Variants in KIRREL3 observed in about 807,000 individuals in gnomAD.
The protein encoded by KIRREL3 is kirre like nephrin family adhesion molecule 3.
KIRREL3 carries 36 observed loss-of-function variants against 89.7 expected under a neutral mutation model. The observed-to-expected ratio is 0.40, with a 90% CI of 0.31 to 0.53. KIRREL3 has a LOEUF of 0.53. KIRREL3 is among the 20% of genes least tolerant of loss of function. The pLI, the probability that KIRREL3 is intolerant of heterozygous loss-of-function variation, is 0.49. For synonymous variants in KIRREL3, 445 were observed against 441.4 expected (o/e 1.01, Z -0.10); for missense variants, 864 against 1,056.6 (o/e 0.82, Z 2.53).
intron 2 of KIRREL3, among the ~76,000 whole-genome samples, chr11:126,542,968 A>G (rs377744222): frequency 7.9e-5 from 12 of 152,244 alleles, no homozygotes; most frequent in African/African-American, 1.9e-4. Flanking sequence ...CTTCACATAC[A>G]TTATCTTACC....
At position 126,877,030 on chromosome 11, in the gene KIRREL3, G is replaced by T. The variant is rs1263356063; in HGVS notation, c.55+123425C>A. 3.3e-5 allele frequency among the ~76,000 whole-genome samples: 5 copies of T among 152,186 alleles called. No homozygotes were observed. The highest frequency in any genetic ancestry group is 1.2e-4 in the African/African-American group (5 of 41,446). On this transcript the variant is annotated intron_variant, in intron 1 of 16. Coordinates refer to ENST00000525144, the MANE Select transcript of KIRREL3 (RefSeq NM_032531.4). The surrounding 1 kb of genome is among the most constrained non-coding windows in gnomAD (Gnocchi z 4.9). ...GAAGAGGTGCAAGCTGCTGAGGTCT[G>T]CATAAGAATAAAGGTTGGTTGTGGC...
Position 126,814,292 on chromosome 11 carries a change from G to A in KIRREL3, c.55+186163C>T, listed in dbSNP as rs547596869. On this transcript the variant is annotated intron_variant, in intron 1 of 16. Transcript: ENST00000525144. The surrounding 1 kb of genome is among the most constrained non-coding windows in gnomAD (Gnocchi z 4.4). ...ATGCTGGCGAGGTTATGGAGAAAAAGGAATGCTTTTACACTGTTGGTGGGA... is the reference window on the plus strand; with the variant it reads ...ATGCTGGCGAGGTTATGGAGAAAAAAGAATGCTTTTACACTGTTGGTGGGA... Among the ~76,000 whole-genome samples the A allele has an allele frequency of 2.0e-5, 3 of 152,096 alleles. No homozygotes were observed. Among genetic ancestry groups the A allele is most frequent in the Admixed American group, 2.0e-4 (3 of 15,280 alleles).
rs559556913 is a variant in KIRREL3 at position 126,741,575 on chromosome 11, A to G, written c.56-178663T>C. The stretch of plus-strand genomic sequence containing the variant: ...CACCTGAGAGTCCACAACAAGGGCC[A>G]TAGGATGAATGGGAACTTTTAGTAC... On this transcript the variant is annotated intron_variant, in intron 1 of 16. Transcript: ENST00000525144. Among the ~76,000 whole-genome samples, 39 of 152,360 alleles carry G rather than the reference A, an allele frequency of 2.6e-4. No homozygotes were observed. In the South Asian group the frequency reaches 7.9e-3, roughly 31 times the overall value.
Position 126,710,107 on chromosome 11 carries a change from C to T in KIRREL3, c.56-147195G>A, listed in dbSNP as rs1947699177. Among the ~76,000 whole-genome samples, 1 of 152,208 alleles carries T rather than the reference C, an allele frequency of 6.6e-6. No individual in the cohort carries two copies. The highest frequency in any genetic ancestry group is 2.1e-4 in the South Asian group (1 of 4,824). On this transcript the variant is annotated intron_variant, in intron 1 of 16. Transcript: ENST00000525144. This position sits in a 1 kb window ranked among gnomAD's most constrained non-coding sequence, Gnocchi z 4.2. ...TGAGTATCAAGTCTGGCATTGGAAT[C>T]CCAATCTCCTCCTCACTAAGCCCAT...
In KIRREL3 at chr11:126,568,139, G is replaced by T. The variant is rs976720523; in HGVS notation, c.56-5227C>A. Reference sequence around the variant, plus strand: ...GAAAAAAGATGAGACAGGAGATCTAGCCAGGGACCAGATCCTGGAGTAGCC... The same window carrying T: ...GAAAAAAGATGAGACAGGAGATCTATCCAGGGACCAGATCCTGGAGTAGCC... On this transcript the variant is annotated intron_variant, in intron 1 of 16. Coordinates refer to ENST00000525144, the MANE Select transcript of KIRREL3 (RefSeq NM_032531.4). This position sits in a 1 kb window ranked among gnomAD's most constrained non-coding sequence, Gnocchi z 4.6. 6.6e-6 allele frequency among the ~76,000 whole-genome samples: 1 copy of T among 152,118 alleles called. No homozygotes were observed. Among genetic ancestry groups the T allele is most frequent in the African/African-American group, 2.4e-5 (1 of 41,452 alleles).
intron 6 of KIRREL3, among the ~76,000 whole-genome samples, chr11:126,457,646 A>C (rs1298928835): frequency 6.6e-6 from 1 of 152,092 alleles, no homozygotes; most frequent in African/African-American, 2.4e-5. Flanking sequence ...GGCGAGAAAA[A>C]GAGAAATCTA....
intron 1 of KIRREL3, among the ~76,000 whole-genome samples, chr11:126,650,558 T>A (rs1394183370): frequency 6.6e-6 from 1 of 152,186 alleles, no homozygotes; most frequent in Non-Finnish European, 1.5e-5. Context: ...TGCTAAAACA[T>A]AACAAGAATC....
At chr11:126,479,657 C>T (rs1240701247) in intron 4 of KIRREL3, among the ~76,000 whole-genome samples, 1 of 152,246 alleles carries the variant, frequency 6.6e-6, no homozygotes, top group African/African-American at 2.4e-5. Flanking sequence ...GGAAGGCTCA[C>T]TGGACAAAGA....
chr11:126,503,173 A>C (rs983031506), intron 4 of KIRREL3, among the ~76,000 whole-genome samples: 2 of 152,110 alleles, frequency 1.3e-5, no homozygotes, highest in Non-Finnish European at 2.9e-5. Flanking sequence ...CTGTTTTTCT[A>C]TGGTTTGGTG....
Position 126,531,113 on chromosome 11 carries a change from C to T in KIRREL3, c.134-4426G>A, listed in dbSNP as rs1169123006. ...AAAGTGTTGGGATTACGAGCGTGAG[C>T]CACCATGCCCGGCCCCATGCTTTGT... On this transcript the variant is annotated intron_variant, in intron 2 of 16. Transcript: ENST00000525144. This position sits in a 1 kb window ranked among gnomAD's most constrained non-coding sequence, Gnocchi z 4.7. 6.6e-6 allele frequency among the ~76,000 whole-genome samples: 1 copy of T among 152,114 alleles called. No individual in the cohort carries two copies. The highest frequency in any genetic ancestry group is 1.9e-4 in the East Asian group (1 of 5,170).
chr11:126,942,417 A>G (rs1948481832), intron 1 of KIRREL3, among the ~76,000 whole-genome samples: 1 of 152,138 alleles, frequency 6.6e-6, no homozygotes, highest in South Asian at 2.1e-4. Context: ...TATCACTCTG[A>G]CAAGGTAACA....
At chr11:126,793,255 G>A (rs1404725798) in intron 1 of KIRREL3, among the ~76,000 whole-genome samples, 4 of 152,102 alleles carry the variant, frequency 2.6e-5, no homozygotes, top group Non-Finnish European at 5.9e-5. Flanking sequence ...CACAGTGCAC[G>A]GGGCTTTCTT....
At chr11:126,630,621 G>C (rs1159191304) in intron 1 of KIRREL3, among the ~76,000 whole-genome samples, 1 of 152,120 alleles carries the variant, frequency 6.6e-6, no homozygotes, top group East Asian at 1.9e-4. Flanking sequence ...TCTTACCTCT[G>C]CCTGGAGCTG....
In KIRREL3 at chr11:126,812,823, A is replaced by T. The variant is rs10893577; in HGVS notation, c.55+187632T>A. On this transcript the variant is annotated intron_variant, in intron 1 of 16. Transcript: ENST00000525144. The surrounding 1 kb of genome is among the most constrained non-coding windows in gnomAD (Gnocchi z 5.2). ...TTTCTGGGTCTGGCTCTGTTTCTCT[A>T]TTTCCCAGTTACTTGCCCAAGAACA... Among the ~76,000 whole-genome samples the T allele has an allele frequency of 0.3, 46,038 of 151,906 alleles. 7,596 individuals are homozygous for T. Among genetic ancestry groups the T allele is most frequent in the East Asian group, 0.46 (2,350 of 5,128 alleles).
rs983819726 is a variant in KIRREL3 at position 126,978,593 on chromosome 11, G to C, written c.55+21862C>G. Among the ~76,000 whole-genome samples the C allele has an allele frequency of 3.9e-5, 6 of 152,144 alleles. No individual in the cohort carries two copies. Among genetic ancestry groups the C allele is most frequent in the African/African-American group, 1.4e-4 (6 of 41,430 alleles). On this transcript the variant is annotated intron_variant, in intron 1 of 16. Coordinates refer to ENST00000525144, the MANE Select transcript of KIRREL3 (RefSeq NM_032531.4). This position sits in a 1 kb window ranked among gnomAD's most constrained non-coding sequence, Gnocchi z 4.2. ...CTTGGTTCTGGCCACGCCCAGCTCC[G>C]TGTGGGTCCCTGAGTGGTCTACGTT...
rs913150759 is a variant in KIRREL3, at chr11:126,454,320, C to T, written c.848+2029G>A. ...GGGGTGGAGGGGTCAGGTCCCAGGG[C>T]GTGCAGCCCTGCTGTCTGCCCAGCC... is the stretch of plus-strand genomic sequence containing the variant. On this transcript the variant is annotated intron_variant, in intron 7 of 16. Transcript: ENST00000525144. The surrounding 1 kb of genome is among the most constrained non-coding windows in gnomAD (Gnocchi z 5.8). Among the ~76,000 whole-genome samples the T allele has an allele frequency of 2.0e-5, 3 of 152,128 alleles. No homozygotes were observed. The highest frequency in any genetic ancestry group is 6.5e-5 in the Admixed American group (1 of 15,278).
chr11:126,916,809 A>T (rs1947059682), intron 1 of KIRREL3, among the ~76,000 whole-genome samples: 1 of 152,184 alleles, frequency 6.6e-6, no homozygotes, highest in African/African-American at 2.4e-5. Context: ...CTTCTCACAT[A>T]TGCACCTGCA....
At chr11:126,757,465 G>A (rs1219280578) in intron 1 of KIRREL3, among the ~76,000 whole-genome samples, 2 of 152,136 alleles carry the variant, frequency 1.3e-5, no homozygotes, top group Non-Finnish European at 1.5e-5. Context: ...TGTGGGAAAG[G>A]TATTTCAAGG....
intron 1 of KIRREL3, among the ~76,000 whole-genome samples, chr11:126,784,137 T>C (rs955644848): frequency 2.6e-5 from 4 of 152,162 alleles, no homozygotes; most frequent in African/African-American, 7.2e-5. Context: ...ACAAGACTGC[T>C]AAATGCAATG....
Sources: gnomAD v4.1 joint callset for allele counts (sites outside exome capture counted in the v4.1 genomes callset) on GRCh38, gnomAD v4.1.1 for gene constraint, Gnocchi (gnomAD v3.1) non-coding constraint, MANE v1.5 for transcripts, NCBI Gene and HGNC (gene_info 2026-07-23, HGNC 2026-07-21) for gene names.